DMXL2: variants seen among roughly 807,000 people sequenced by gnomAD.
DMXL2 encodes dmX-like protein 2.
DMXL2 carries 103 observed loss-of-function variants against 331.1 expected under a neutral mutation model. The ratio of observed to expected loss-of-function variants is 0.31; its 90% CI spans 0.27 to 0.37. The LOEUF is 0.37. Among genes scored for constraint, DMXL2 ranks in the 10% least tolerant of loss-of-function variants. The probability of loss-of-function intolerance (pLI) is 1.00; values close to 1 mark genes in which losing one functional copy is unlikely to be tolerated. For synonymous variants in DMXL2, 1,281 were observed against 1,252.1 expected (o/e 1.02, Z -0.49); for missense variants, 3,171 against 3,642.9 (o/e 0.87, Z 3.33).
chr15:51,617,239 A>T (rs992827815), intron 1 of DMXL2, among the ~76,000 whole-genome samples: 1 of 152,232 alleles, frequency 6.6e-6, no homozygotes, highest in Non-Finnish European at 1.5e-5. Context: ...TCCTAAGAAC[A>T]GAAACTAAAA....
chr15:51,465,520 C>A (rs770855440), intron 31 of DMXL2, 46 bp downstream of exon 31: 2 of 1,365,186 alleles, frequency 1.5e-6, no homozygotes, highest in African/African-American at 1.5e-5. Context: ...AACTTGACGG[C>A]AATTTATTAT....
chr15:51,598,701 G>A (rs987308669), intron 1 of DMXL2, among the ~76,000 whole-genome samples: 18 of 152,134 alleles, frequency 1.2e-4, no homozygotes, highest in Non-Finnish European at 2.9e-5. Flanking sequence ...TGGGTTTGGG[G>A]CAGGAATACC....
At chr15:51,579,759 T>A (rs192538328) in intron 1 of DMXL2, among the ~76,000 whole-genome samples, 111 of 152,284 alleles carry the variant, frequency 7.3e-4, no homozygotes, top group African/African-American at 2.5e-3. Flanking sequence ...TCTGACTGAT[T>A]TTCCAGCTAA....
At chr15:51,485,773 C>A (rs1256094545) in intron 23 of DMXL2, among the ~76,000 whole-genome samples, 1 of 151,778 alleles carries the variant, frequency 6.6e-6, no homozygotes. Context: ...TTTTCCAGGC[C>A]CATGTGACAA....
At chr15:51,534,642 A>G (rs1320087994) in intron 13 of DMXL2, among the ~76,000 whole-genome samples, 2 of 152,084 alleles carry the variant, frequency 1.3e-5, no homozygotes, top group African/African-American at 4.8e-5. Context: ...CTATGATTCT[A>G]TTTTTCTAGA....
At position 51,565,141 on chromosome 15, in the gene DMXL2, GT is replaced by G; in HGVS notation, c.310del (p.Thr104LeufsTer6). ...NCQLKCQWLK[T>X]GQFFLSSVTY... ...CACAGAACTCAAAAAAAACTGCCCAGTTTTAAGCCACTGGCACTTGAGTTGC... is the reference window on the plus strand; with the variant it reads ...CACAGAACTCAAAAAAAACTGCCCAGTTTAAGCCACTGGCACTTGAGTTGC... On this transcript the variant is annotated frameshift_variant, in exon 4 of 44. Coordinates refer to ENST00000560891, the MANE Select transcript of DMXL2 (RefSeq NM_001378457.1). LOFTEE classifies it high-confidence loss of function. 1 of 1,583,162 alleles carries G rather than the reference GT, an allele frequency of 6.3e-7. No homozygotes were observed. The highest frequency in any genetic ancestry group is 1.8e-5 in the Admixed American group (1 of 55,702).
At chr15:51,467,120 C>T (rs2040654078) in intron 29 of DMXL2, among the ~76,000 whole-genome samples, 1 of 151,656 alleles carries the variant, frequency 6.6e-6, no homozygotes, top group African/African-American at 2.4e-5. Context: ...GTCTGTTCCT[C>T]ACTTTATTCT....
chr15:51,451,590 CATGGTGTATT>C, intron 42 of DMXL2, 45 bp downstream of exon 42: 1 of 1,358,008 alleles, frequency 7.4e-7, no homozygotes, highest in Non-Finnish European at 1.0e-6. Context: ...AGCATTCCTT[CATGGTGTATT>C]ATTCCTTCAT....
intron 1 of DMXL2, among the ~76,000 whole-genome samples, chr15:51,594,906 T>A (rs1233253915): frequency 3.3e-5 from 5 of 152,072 alleles, no homozygotes; most frequent in East Asian, 1.9e-4. Context: ...TATTGATGGG[T>A]TGTATGTCAA....
At chr15:51,595,646 A>G (rs1312139923) in intron 1 of DMXL2, among the ~76,000 whole-genome samples, 8 of 152,260 alleles carry the variant, frequency 5.3e-5, no homozygotes, top group Non-Finnish European at 1.2e-4. Flanking sequence ...AGCTGGAGGC[A>G]TCACGCCACC....
intron 15 of DMXL2, among the ~76,000 whole-genome samples, chr15:51,511,098 A>C (rs1251726281): frequency 6.6e-6 from 1 of 152,200 alleles, no homozygotes; most frequent in Non-Finnish European, 1.5e-5. Flanking sequence ...CCCTAGAAGA[A>C]AACCTAGGCA....
chr15:51,504,683 A>C (rs1231929143), intron 16 of DMXL2, among the ~76,000 whole-genome samples: 1 of 152,218 alleles, frequency 6.6e-6, no homozygotes, highest in Non-Finnish European at 1.5e-5. Flanking sequence ...ACTAAGTAAG[A>C]AATATTTTCA....
rs141518535 is a variant in DMXL2 at position 51,621,511 on chromosome 15, T to C, written c.87+948A>G. On this transcript the variant is annotated intron_variant, in intron 1 of 43. Transcript: ENST00000560891. The stretch of plus-strand genomic sequence containing the variant: ...CTACAGTTCCTTATAAGGAAGACCA[T>C]GTATAAATTTCATTCTTTAAAAAAG... Among the ~76,000 whole-genome samples, 488 of 152,318 alleles carry C rather than the reference T, an allele frequency of 3.2e-3. 4 individuals carry two copies. The highest frequency in any genetic ancestry group is 0.011 in the African/African-American group (456 of 41,574).
rs778387830 is a variant in DMXL2, at chr15:51,458,534, C to T, written c.8170G>A (p.Gly2724Arg). 11 of 1,613,636 alleles carry T rather than the reference C, an allele frequency of 6.8e-6. No individual in the cohort carries two copies. The highest frequency in any genetic ancestry group is 1.1e-5 in the South Asian group (1 of 91,034). Residue 2724 changes from glycine to arginine, a missense_variant, in exon 36 of 44, where the codon GGA (glycine) becomes AGA (arginine). Physicochemically the swap from Gly to Arg is moderately radical, Grantham distance 125 (BLOSUM62 -2). Transcript: ENST00000560891. ...TTGGATTCTCTGTCATATTCTTCTC[C>T]GATCCATATGTATGACTGACAGGCC... The part of the protein sequence containing the change: ...LLACQSYIWI[G>R]EEYDRESKSS...
chr15:51,578,944 A>T (rs1469261779), intron 1 of DMXL2, among the ~76,000 whole-genome samples: 2 of 152,174 alleles, frequency 1.3e-5, no homozygotes, highest in Admixed American at 6.5e-5. Context: ...ATCTCTACAG[A>T]ACATCCAAAA....
Position 51,453,658 on chromosome 15 carries a change from G to A in DMXL2, c.8605-17C>T, listed in dbSNP as rs758932790. 1 of 1,602,104 alleles carries A rather than the reference G, an allele frequency of 6.2e-7. No homozygotes were observed. Among genetic ancestry groups the A allele is most frequent in the Non-Finnish European group, 8.5e-7 (1 of 1,170,216 alleles). On this transcript the variant is annotated splice_polypyrimidine_tract_variant and intron_variant, in intron 40 of 43. Coordinates refer to ENST00000560891, the MANE Select transcript of DMXL2 (RefSeq NM_001378457.1). ...CTGCCAACTCTACGAAAAACAAAGT[G>A]CAACTGATGTTATTTTACCATTGGA...
intron 42 of DMXL2, chr15:51,450,660 G>C (rs1210462203): frequency 5.7e-6 from 2 of 352,468 alleles, no homozygotes; most frequent in Non-Finnish European, 1.1e-5. Flanking sequence ...CCTTCTCAAA[G>C]TTGGTGAGTA....
At chr15:51,534,711 C>T (rs1357251097) in intron 13 of DMXL2, among the ~76,000 whole-genome samples, 2 of 152,188 alleles carry the variant, frequency 1.3e-5, no homozygotes, top group African/African-American at 2.4e-5. Flanking sequence ...GTTTCTGGAA[C>T]AAGCTTTACA....
intron 1 of DMXL2, among the ~76,000 whole-genome samples, chr15:51,605,229 C>T (rs572237010): frequency 6.6e-6 from 1 of 152,252 alleles, no homozygotes; most frequent in Admixed American, 6.5e-5. Context: ...TAAACAGCGT[C>T]TCACTCTGTC....
Sources: gnomAD v4.1 joint callset for allele counts (sites outside exome capture counted in the v4.1 genomes callset) on GRCh38, gnomAD v4.1.1 for gene constraint, MANE v1.5 for transcripts, NCBI Gene and HGNC (gene_info 2026-07-23, HGNC 2026-07-21) for gene names.